Variants in PCDHGA3 observed in about 807,000 individuals in gnomAD.
The protein encoded by PCDHGA3 is protocadherin gamma-A3.
A neutral mutation model predicts 58.5 loss-of-function variants in PCDHGA3; 40 were observed. That is an observed-to-expected ratio of 0.68 (90% confidence interval 0.53 to 0.89). The LOEUF is 0.89. Ranked by LOEUF, PCDHGA3 falls within the 40% of genes least tolerant of loss-of-function variation. The pLI is 0.00. For synonymous variants in PCDHGA3, 530 were observed against 525.7 expected, an observed-to-expected ratio of 1.01 and a Z score of -0.11; for missense variants, 1,223 against 1,195.9, an observed-to-expected ratio of 1.02 and a Z score of -0.33.
intron 1 of PCDHGA3, chr5:141,352,341 T>C (rs1057492750): frequency 6.2e-7 from 1 of 1,614,076 alleles, no homozygotes; most frequent in Non-Finnish European, 8.5e-7. Context: ...GCCTTGGCCT[T>C]GATCTCAGTG....
intron 1 of PCDHGA3, among the ~76,000 whole-genome samples, chr5:141,471,014 G>A (rs2099246573): frequency 6.7e-6 from 1 of 148,628 alleles, no homozygotes; most frequent in Non-Finnish European, 1.5e-5. Context: ...ACTGTGCCTG[G>A]TCAATCATTT....
rs1281778338 is a variant in PCDHGA3, at chr5:141,512,281, G to A, written c.*1108G>A. ...TGGGTACTCCAGAGGTGCCACTGGTGGAAGGGTCAGCGGAGCCCCAGCAGG... is the reference window on the plus strand; with the variant it reads ...TGGGTACTCCAGAGGTGCCACTGGTAGAAGGGTCAGCGGAGCCCCAGCAGG... On this transcript the variant is annotated 3_prime_UTR_variant, in exon 4 of 4. Transcript: ENST00000253812. 6.5e-6 allele frequency: 1 copy of A among 152,810 alleles called. No homozygotes were observed. Among genetic ancestry groups the A allele is most frequent in the Non-Finnish European group, 1.5e-5 (1 of 68,178 alleles). The allele number at this position is 152,810 out of a possible 1,614,324, so 9.5% of individuals were successfully genotyped here.
At chr5:141,492,637 C>T (rs2099742781) in intron 1 of PCDHGA3, among the ~76,000 whole-genome samples, 1 of 152,260 alleles carries the variant, frequency 6.6e-6, no homozygotes, top group South Asian at 2.1e-4. Context: ...CTCTACGATC[C>T]TTGGGCCAGA....
intron 1 of PCDHGA3, among the ~76,000 whole-genome samples, chr5:141,459,646 T>C (rs2098972004): frequency 6.6e-6 from 1 of 152,266 alleles, no homozygotes; most frequent in Non-Finnish European, 1.5e-5. Context: ...TTTTTCAAAA[T>C]GGTAATATCA....
At position 141,422,630 on chromosome 5, in the gene PCDHGA3, G is replaced by A. The variant is rs1193466428; in HGVS notation, c.2425-72177G>A. 5 of 1,613,176 alleles carry A rather than the reference G, an allele frequency of 3.1e-6. No homozygotes were observed. The Admixed American group carries it at 8.3e-5, about 27-fold the overall frequency. On this transcript the variant is annotated intron_variant, in intron 1 of 3. Coordinates refer to ENST00000253812, the MANE Select transcript of PCDHGA3 (RefSeq NM_018916.4). ...GCCTACATTCCCGAAAACAACCCCA[G>A]GGGTGCCTCCATCTTCTCAGTGACC...
At position 141,404,169 on chromosome 5, in the gene PCDHGA3, C is replaced by A; in HGVS notation, c.2424+57712C>A. On this transcript the variant is annotated intron_variant, in intron 1 of 3. Transcript: ENST00000253812. Reference sequence around the variant, plus strand: ...GAAGAAGATTATTACAGATTGTTGACGGCCCAAATTCTTGACCGAGAAAAA... The same window carrying A: ...GAAGAAGATTATTACAGATTGTTGAAGGCCCAAATTCTTGACCGAGAAAAA... 1 of 1,612,736 alleles carries A rather than the reference C, an allele frequency of 6.2e-7. No individual in the cohort carries two copies. The highest frequency in any genetic ancestry group is 8.5e-7 in the Non-Finnish European group (1 of 1,179,276).
At chr5:141,404,759 T>G (rs1466446291) in intron 1 of PCDHGA3, 1 of 1,613,632 alleles carries the variant, frequency 6.2e-7, no homozygotes, top group Admixed American at 1.7e-5. Flanking sequence ...CCAGAATGCT[T>G]GGCTCTCCTA....
intron 1 of PCDHGA3, chr5:141,404,839 T>C: frequency 6.2e-7 from 1 of 1,613,458 alleles, no homozygotes; most frequent in Non-Finnish European, 8.5e-7. Context: ...TGCGCACAGC[T>C]CGGGCCCTGC....
At chr5:141,419,974 C>T (rs368697962) in intron 1 of PCDHGA3, 3 of 1,613,962 alleles carry the variant, frequency 1.9e-6, no homozygotes, top group Non-Finnish European at 2.5e-6. Context: ...TCTTTCTCCT[C>T]GCGGTGATTC....
chr5:141,476,421 C>G lies in PCDHGA3; in HGVS notation c.2425-18386C>G. 1 of 1,614,026 alleles carries G rather than the reference C, an allele frequency of 6.2e-7. No homozygotes were observed. Among genetic ancestry groups the G allele is most frequent in the South Asian group, 1.1e-5 (1 of 91,066 alleles). On this transcript the variant is annotated intron_variant, in intron 1 of 3. Transcript: ENST00000253812. The surrounding 1 kb of genome is among the most constrained non-coding windows in gnomAD (Gnocchi z 7.6). ...CGAGAGGAGCTGTGTGGGACACTGC[C>G]CTCTTGCACTGTAACTCTGGAGTTG...
rs377061064 is a variant in PCDHGA3, at chr5:141,505,429, C to A, written c.2520C>A (p.Asn840Lys). 1.2e-6 allele frequency: 2 copies of A among 1,614,116 alleles called. No homozygotes were observed. Among genetic ancestry groups the A allele is most frequent in the African/African-American group, 1.3e-5 (1 of 74,938 alleles). Residue 840 changes from asparagine (N) to lysine (K), a missense_variant, in exon 3 of 4, where the codon AAC becomes AAA. Asn to Lys is a moderately conservative substitution (Grantham distance 94, BLOSUM62 0). Coordinates refer to ENST00000253812, the MANE Select transcript of PCDHGA3 (RefSeq NM_018916.4). ...QNGDDTGTWP[N>K]NQFDTEMLQA... ...GCGATGACACCGGCACCTGGCCCAA[C>A]AACCAGTTTGACACAGAGATGCTGC...
In PCDHGA3 at chr5:141,422,867, T is replaced by C. The variant is rs116031289; in HGVS notation, c.2425-71940T>C. On this transcript the variant is annotated intron_variant, in intron 1 of 3. Coordinates refer to ENST00000253812, the MANE Select transcript of PCDHGA3 (RefSeq NM_018916.4). Reference sequence around the variant, plus strand: ...GGGGACCCGCCCCTCAGCAGCAACGTGTCGCTGAGCCTGTTCGTGCTGGAC... The same window carrying C: ...GGGGACCCGCCCCTCAGCAGCAACGCGTCGCTGAGCCTGTTCGTGCTGGAC... 1.5e-3 allele frequency: 2,464 copies of C among 1,614,218 alleles called. 37 individuals are homozygous for C. In the African/African-American group the frequency reaches 0.029, roughly 19 times the overall value.
intron 1 of PCDHGA3, chr5:141,351,862 C>A: frequency 6.2e-7 from 1 of 1,613,236 alleles, no homozygotes; most frequent in South Asian, 1.1e-5. Context: ...GGGACCAGGG[C>A]TCCCCCGCGC....
chr5:141,500,445 G>A (rs1319009998), intron 2 of PCDHGA3, among the ~76,000 whole-genome samples: 1 of 151,816 alleles, frequency 6.6e-6, no homozygotes, highest in Non-Finnish European at 1.5e-5. Flanking sequence ...TCCTGACCTC[G>A]TGATCCGCCC....
At chr5:141,457,107 A>G (rs2098908740) in intron 1 of PCDHGA3, among the ~76,000 whole-genome samples, 1 of 152,260 alleles carries the variant, frequency 6.6e-6, no homozygotes, top group African/African-American at 2.4e-5. Flanking sequence ...ATTAAGCAAA[A>G]TACGACAGCA....
At position 141,376,453 on chromosome 5, in the gene PCDHGA3, T is replaced by G. The variant is rs779136467; in HGVS notation, c.2424+29996T>G. On this transcript the variant is annotated intron_variant, in intron 1 of 3. Transcript: ENST00000253812. ...AGGAGAGCTATGAGAAAAGCGAGCC[T>G]CTTCTGATAACTCAGGATTTACTTG... The G allele has an allele frequency of 1.9e-6, 3 of 1,614,166 alleles. No homozygotes were observed. The South Asian group carries it at 3.3e-5, about 18-fold the overall frequency.
chr5:141,487,297 C>A lies in PCDHGA3; in HGVS notation c.2425-7510C>A. ...TTTGCTTTGTCTCCTTTGGCTCATT[C>A]GTGGCACTACTCTCTAAGTGTCTTC... is the stretch of plus-strand genomic sequence containing the variant. On this transcript the variant is annotated intron_variant, in intron 1 of 3. Transcript: ENST00000253812. This position sits in a 1 kb window ranked among gnomAD's most constrained non-coding sequence, Gnocchi z 5.0. 1 of 1,614,102 alleles carries A rather than the reference C, an allele frequency of 6.2e-7. No homozygotes were observed. The highest frequency in any genetic ancestry group is 8.5e-7 in the Non-Finnish European group (1 of 1,180,002).
intron 1 of PCDHGA3, chr5:141,371,423 T>C: frequency 6.2e-7 from 1 of 1,613,962 alleles, no homozygotes; most frequent in Non-Finnish European, 8.5e-7. Flanking sequence ...AAAATGACAA[T>C]GCCCCGGAGA....
chr5:141,389,780 C>T (rs746524585), intron 1 of PCDHGA3: 1 of 1,613,310 alleles, frequency 6.2e-7, no homozygotes, highest in South Asian at 1.1e-5. Flanking sequence ...CCTTAGGCGA[C>T]AGGGACGCCG....
Sources: allele counts gnomAD v4.1 joint callset (sites outside exome capture counted in the v4.1 genomes callset), GRCh38; gene constraint gnomAD v4.1.1; non-coding constraint Gnocchi (gnomAD v3.1); transcripts MANE v1.5; gene names NCBI Gene and HGNC (gene_info 2026-07-23, HGNC 2026-07-21).